Variants in RGL1 observed in about 807,000 individuals in gnomAD.
RGL1 encodes the protein ral guanine nucleotide dissociation stimulator-like 1.
RGL1 carries 24 observed loss-of-function variants against 95.2 expected under a neutral mutation model. The ratio of observed to expected loss-of-function variants is 0.25; its 90% confidence interval spans 0.18 to 0.35. The LOEUF is 0.35. RGL1 is among the 10% of genes least tolerant of loss of function. RGL1 has a pLI of 1.00. For missense variants in RGL1, 715 were observed against 936.3 expected (o/e 0.76, Z 3.08); for synonymous variants, 329 against 344.9 (o/e 0.95, Z 0.51).
At chr1:183,882,972 G>C (rs989278598) in intron 5 of RGL1, among the ~76,000 whole-genome samples, 2 of 152,190 alleles carry the variant, frequency 1.3e-5, no homozygotes, top group East Asian at 3.8e-4. Context: ...AGTGTGAGGG[G>C]TGTGAAGGGG....
intron 1 of RGL1, among the ~76,000 whole-genome samples, chr1:183,736,000 G>C (rs1002658704): frequency 1.3e-5 from 2 of 152,148 alleles, no homozygotes; most frequent in Admixed American, 1.3e-4. Context: ...CACCAAACCA[G>C]GAGTTAGATG....
chr1:183,782,602 C>G (rs983292737), intron 2 of RGL1, among the ~76,000 whole-genome samples: 2 of 152,124 alleles, frequency 1.3e-5, no homozygotes, highest in African/African-American at 4.8e-5. Flanking sequence ...CACATGAGAG[C>G]TACTCAGATA....
intron 9 of RGL1, among the ~76,000 whole-genome samples, chr1:183,893,103 T>C (rs1033340249): frequency 4.6e-5 from 7 of 152,338 alleles, no homozygotes; most frequent in Non-Finnish European, 7.3e-5. Context: ...TCCAGCTTCA[T>C]AGAGAAGGTA....
At chr1:183,898,857 A>G (rs1284609679) in intron 10 of RGL1, among the ~76,000 whole-genome samples, 1 of 152,210 alleles carries the variant, frequency 6.6e-6, no homozygotes, top group Non-Finnish European at 1.5e-5. Flanking sequence ...CTGAGGAAGC[A>G]GCCAGCCTCA....
intron 2 of RGL1, among the ~76,000 whole-genome samples, chr1:183,777,295 C>T (rs1024797463): frequency 2.6e-5 from 4 of 152,076 alleles, no homozygotes; most frequent in Admixed American, 1.3e-4. Context: ...GTTTGTGTCC[C>T]GGATCTTGAG....
intron 2 of RGL1, among the ~76,000 whole-genome samples, chr1:183,745,566 G>A (rs1013710734): frequency 6.6e-6 from 1 of 151,674 alleles, no homozygotes; most frequent in Admixed American, 6.6e-5. Flanking sequence ...GAATGTTATT[G>A]TTTCTTCTTC....
At chr1:183,638,838 GTGA>G (rs1291046177) in intron 1 of RGL1, among the ~76,000 whole-genome samples, 8 of 152,168 alleles carry the variant, frequency 5.3e-5, no homozygotes, top group Non-Finnish European at 1.0e-4. Context: ...CTTATTTTCT[GTGA>G]TGATGCAAAC....
intron 1 of RGL1, among the ~76,000 whole-genome samples, chr1:183,654,897 T>C (rs1290888874): frequency 6.6e-6 from 1 of 152,204 alleles, no homozygotes; most frequent in African/African-American, 2.4e-5. Flanking sequence ...CAACATTCCA[T>C]TTAGGTTGCA....
At chr1:183,895,442 G>GAGA (rs938722184) in intron 9 of RGL1, among the ~76,000 whole-genome samples, 4 of 152,074 alleles carry the variant, frequency 2.6e-5, no homozygotes, top group Non-Finnish European at 5.9e-5. Context: ...GAGAGAGAGG[G>GAGA]AGAAGGAGAT....
At chr1:183,861,637 C>A (rs1665516176) in intron 3 of RGL1, among the ~76,000 whole-genome samples, 2 of 152,178 alleles carry the variant, frequency 1.3e-5, no homozygotes, top group South Asian at 4.1e-4. Flanking sequence ...TGTCAAAAGT[C>A]ATTCTGACAA....
At chr1:183,646,488 T>A (rs1394297120) in intron 1 of RGL1, 1 of 152,158 alleles carries the variant, frequency 6.6e-6, no homozygotes, top group Non-Finnish European at 1.5e-5. Flanking sequence ...TTGTAATGTA[T>A]CTTTACATAT....
At chr1:183,843,535 A>G (rs181190255) in intron 2 of RGL1, among the ~76,000 whole-genome samples, 77 of 152,326 alleles carry the variant, frequency 5.1e-4, no homozygotes, top group Middle Eastern at 3.4e-3. Context: ...AGGTCCTTTG[A>G]CAAGCATTTT....
At chr1:183,686,969 C>A (rs1325043302) in intron 1 of RGL1, among the ~76,000 whole-genome samples, 1 of 152,186 alleles carries the variant, frequency 6.6e-6, no homozygotes, top group Non-Finnish European at 1.5e-5. Context: ...TAAGCACAAA[C>A]CTTGGAATAA....
At chr1:183,921,006 G>A (rs550166926) in intron 16 of RGL1, among the ~76,000 whole-genome samples, 1 of 152,166 alleles carries the variant, frequency 6.6e-6, no homozygotes, top group Non-Finnish European at 1.5e-5. Context: ...TAGTCCTCTT[G>A]CCCCCTGGTG....
At chr1:183,830,984 G>A (rs1663221424) in intron 2 of RGL1, among the ~76,000 whole-genome samples, 1 of 152,086 alleles carries the variant, frequency 6.6e-6, no homozygotes, top group African/African-American at 2.4e-5. Flanking sequence ...AATATTTACT[G>A]AGCATCCATT....
intron 1 of RGL1, among the ~76,000 whole-genome samples, chr1:183,691,509 A>G (rs1653942701): frequency 6.6e-6 from 1 of 152,186 alleles, no homozygotes; most frequent in Non-Finnish European, 1.5e-5. Flanking sequence ...AGAGTTTCAT[A>G]TTATTGGTTT....
chr1:183,713,660 A>G (rs1655445786), intron 1 of RGL1, among the ~76,000 whole-genome samples: 1 of 152,150 alleles, frequency 6.6e-6, no homozygotes, highest in South Asian at 2.1e-4. Flanking sequence ...GGGAGAAAGC[A>G]CTGTCTGTGA....
At chr1:183,788,484 T>A (rs1479401849) in intron 2 of RGL1, among the ~76,000 whole-genome samples, 1 of 152,244 alleles carries the variant, frequency 6.6e-6, no homozygotes, top group African/African-American at 2.4e-5. Flanking sequence ...TCCAGAGACA[T>A]ACCTAGAAAC....
chr1:183,880,770 C>G lies in RGL1; in HGVS notation c.580C>G (p.Gln194Glu). 1 of 1,613,888 alleles carries G rather than the reference C, an allele frequency of 6.2e-7. No individual in the cohort carries two copies. The part of the protein sequence containing the change: ...PERRAQNLLE[Q>E]FQKQEVETDN... ...AAGAAGAGCACAAAATCTTCTTGAG[C>G]AGTTTCAGAAGCAAGAAGTGGAAAC... Residue 194 changes from glutamine to glutamate, a missense_variant, in exon 5 of 18, where the codon CAG (glutamine) becomes GAG (glutamate). Physicochemically the swap from Gln to Glu is conservative, Grantham distance 29 (BLOSUM62 2). Coordinates refer to ENST00000360851, the MANE Select transcript of RGL1 (RefSeq NM_001297671.3).
Sources: allele counts gnomAD v4.1 joint callset (sites outside exome capture counted in the v4.1 genomes callset), GRCh38; gene constraint gnomAD v4.1.1; transcripts MANE v1.5; gene names NCBI Gene and HGNC (gene_info 2026-07-23, HGNC 2026-07-21).